The following FLG variants were observed in gnomAD, a reference collection of about 807,000 sequenced individuals.
The protein encoded by FLG is epidermal filaggrin.
A neutral mutation model predicts 3.8 loss-of-function variants in FLG; 6 were observed. The observed-to-expected ratio is 1.60, with a 90% CI of 0.87 to 3.15. The LOEUF (loss-of-function observed/expected upper bound fraction) is 3.15, where lower values mean the gene tolerates loss of function less well. Ranked by LOEUF, FLG falls within the 30% of genes most tolerant of loss-of-function variation. FLG has a pLI of 0.00. For missense variants in FLG, 7,595 were observed against 5,050.9 expected (o/e 1.50, Z -15.27); for synonymous variants, 2,551 against 1,931.6 (o/e 1.32, Z -8.41).
Position 152,303,313 on chromosome 1 carries a change from C to T in FLG, c.11573G>A (p.Arg3858His), listed in dbSNP as rs74129447. 2.6e-3 allele frequency: 4,120 copies of T among 1,613,978 alleles called. 56 individuals are homozygous for T. In the African/African-American group the frequency reaches 0.04, roughly 16 times the overall value. Residue 3858 changes from arginine (R) to histidine (H), a missense_variant, in exon 3 of 3, where the codon CGC becomes CAC. Transcript: ENST00000368799. ...GESAGSRRSR[R>H]QGSSVSQDSD... is the part of the protein sequence containing the mutation. ...GTCCTGGCTAACACTGGATCCCTGG[C>T]GCCTGCTTCTCCTGGACCCCGCTGA... is the stretch of plus-strand genomic sequence containing the variant.
rs1414524598 is a variant in FLG, at chr1:152,311,434, T to A, written c.3452A>T (p.Asp1151Val). 3.1e-6 allele frequency: 5 copies of A among 1,613,858 alleles called. No homozygotes were observed. Residue 1151 changes from aspartate to valine, a missense_variant, in exon 3 of 3, where the codon GAC becomes GTC. Coordinates refer to ENST00000368799, the MANE Select transcript of FLG (RefSeq NM_002016.2). ...TTGGGACGCTGAGTGCCTGGAGCTG[T>A]CTCGTGCCTGCTCGTGGTGGGATCC... The part of the protein sequence containing the change: ...RQGSHHEQAR[D>V]SSRHSASQEG...
Position 152,308,132 on chromosome 1 carries a change from G to T in FLG, c.6754C>A (p.His2252Asn), listed in dbSNP as rs1158378727. The stretch of plus-strand genomic sequence containing the variant: ...GACCGCCTCTCAGAATCTTCTGAGT[G>T]TCCCTCACTGTCACTGTCCTGGCTA... ...SVSQDSDSEGHSEDSERRSGS... is the reference protein window; with the variant it reads ...SVSQDSDSEGNSEDSERRSGS... Residue 2252 changes from histidine (H) to asparagine (N), a missense_variant, in exon 3 of 3, where the codon CAC becomes AAC. By Grantham distance (68) the His-to-Asn change is moderately conservative. Coordinates refer to ENST00000368799, the MANE Select transcript of FLG (RefSeq NM_002016.2). 6.2e-7 allele frequency: 1 copy of T among 1,614,080 alleles called. No individual in the cohort carries two copies. The highest frequency in any genetic ancestry group is 1.1e-5 in the South Asian group (1 of 91,072).
chr1:152,308,000 C>T lies in FLG; in HGVS notation c.6886G>A (p.Ala2296Thr), dbSNP rs1253908371. Residue 2296 changes from alanine to threonine, a missense_variant, in exon 3 of 3, where the codon GCA becomes ACA. By Grantham distance (58) the Ala-to-Thr change is moderately conservative. Transcript: ENST00000368799. ...GTGCCTGATTGTCTGGAGCTCTCTG[C>T]AGAGTGCCCATGACCGGCTCTGTCT... is the stretch of plus-strand genomic sequence containing the variant. ...HEDRAGHGHSAESSRQSGTHH... is the reference protein window; with the variant it reads ...HEDRAGHGHSTESSRQSGTHH... 3.1e-6 allele frequency: 5 copies of T among 1,614,180 alleles called. No homozygotes were observed. The African/African-American group carries it at 4.0e-5, about 13-fold the overall frequency.
In FLG at chr1:152,320,066, C is replaced by A. The variant is rs144372594; in HGVS notation, c.-21-4589G>T. On this transcript the variant is annotated intron_variant, in intron 1 of 2. Transcript: ENST00000368799. ...AAAGTATTTTTTTCTTAATAATATA[C>A]CCTAACAAATCAAGGATGCATGCTA... Among the ~76,000 whole-genome samples the A allele has an allele frequency of 1.5e-3, 221 of 151,024 alleles. 1 individual carries two copies. The highest frequency in any genetic ancestry group is 5.0e-3 in the African/African-American group (207 of 41,382).
rs1652330426 is a variant in FLG, at chr1:152,310,515, C to G, written c.4371G>C (p.Gln1457His). Reference protein sequence around the residue: ...SHEQSESTHGQTAPSTGGRQG... With the variant: ...SHEQSESTHGHTAPSTGGRQG... ...GTCTTCCTCCAGTGCTGGGTGCAGTCTGTCCGTGTGTGGACTCAGACTGTT... is the reference window on the plus strand; with the variant it reads ...GTCTTCCTCCAGTGCTGGGTGCAGTGTGTCCGTGTGTGGACTCAGACTGTT... The change falls in exon 3 of 3, where the codon CAG (glutamine) becomes CAC (histidine). Residue 1457 changes from glutamine to histidine, a missense_variant. Coordinates refer to ENST00000368799, the MANE Select transcript of FLG (RefSeq NM_002016.2). 6.2e-7 allele frequency: 1 copy of G among 1,613,892 alleles called. No homozygotes were observed. Among genetic ancestry groups the G allele is most frequent in the Non-Finnish European group, 8.5e-7 (1 of 1,179,926 alleles).
intron 1 of FLG, among the ~76,000 whole-genome samples, chr1:152,322,172 C>G (rs1057164385): frequency 5.3e-5 from 8 of 150,778 alleles, no homozygotes; most frequent in African/African-American, 1.9e-4. Context: ...CTTTCATCTC[C>G]AAGTTTGGGA....
chr1:152,306,507 G>T lies in FLG; in HGVS notation c.8379C>A (p.Ser2793Arg). ...GGTGGTACCCCTGCCTTCCTCCTCTGCTTGACCCCGGGTGTCCACGAATGG... is the reference window on the plus strand; with the variant it reads ...GGTGGTACCCCTGCCTTCCTCCTCTTCTTGACCCCGGGTGTCCACGAATGG... ...QDTIRGHPGS[S>R]RGGRQGYHHE... Residue 2793 changes from serine (S) to arginine (R), a missense_variant, in exon 3 of 3, where the codon AGC (serine) becomes AGA (arginine). Transcript: ENST00000368799. 6.2e-7 allele frequency: 1 copy of T among 1,609,844 alleles called. No homozygotes were observed.
At position 152,312,626 on chromosome 1, in the gene FLG, A is replaced by T; in HGVS notation, c.2260T>A (p.Ser754Thr). Residue 754 changes from serine (S) to threonine (T), a missense_variant, in exon 3 of 3, where the codon TCA becomes ACA. By Grantham distance (58) the Ser-to-Thr change is moderately conservative. Transcript: ENST00000368799. The part of the protein sequence containing the change: ...GSQATDSEGH[S>T]EDSDTQSVSG... ...ACTGACTGTGTGTCTGAGTCTTCTG[A>T]ATGTCCCTCACTGTCAGTGGCCTGA... 1.2e-6 allele frequency: 2 copies of T among 1,613,224 alleles called. No individual in the cohort carries two copies. Among genetic ancestry groups the T allele is most frequent in the Middle Eastern group, 1.6e-4 (1 of 6,082 alleles).
At position 152,305,782 on chromosome 1, in the gene FLG, C is replaced by T; in HGVS notation, c.9104G>A (p.Gly3035Glu). 9.2e-7 allele frequency: 1 copy of T among 1,092,344 alleles called. No individual in the cohort carries two copies. Among genetic ancestry groups the T allele is most frequent in the South Asian group, 1.5e-5 (1 of 68,886 alleles). 67.7% of individuals were successfully genotyped at this position (1,092,344 alleles called of 1,614,324 possible). A position where few individuals can be genotyped will look rare whatever the true frequency, so the allele number is the denominator to read the frequency against. The change falls in exon 3 of 3, where the codon GGA (glycine) becomes GAA (glutamate). Residue 3035 changes from glycine (G) to glutamate (E), a missense_variant. By Grantham distance (98) the Gly-to-Glu change is moderately conservative. Transcript: ENST00000368799. Reference protein sequence around the residue: ...DSDTQSVSAHGQAGSHQQSHQ... With the variant: ...DSDTQSVSAHEQAGSHQQSHQ... ...GCTCTGCTGATGGGACCCAGCCTGT[C>T]CGTGGGCTGACACTGACTGTGTGTC...
In FLG at chr1:152,312,444, A is replaced by T; in HGVS notation, c.2442T>A (p.Thr814=). The change falls in exon 3 of 3, where the codon ACT becomes ACA. Residue 814 remains threonine (T), a synonymous_variant. Transcript: ENST00000368799. The stretch of plus-strand genomic sequence containing the variant: ...CATGGTGGGATCCTTGTCTTACTCC[A>T]GTGCTGGGCCCTGTCCATCCATGGG... ...ESSHGWTGPS[T]GVRQGSHHEQ... The T allele has an allele frequency of 1.2e-6, 2 of 1,613,426 alleles. No individual in the cohort carries two copies. The highest frequency in any genetic ancestry group is 8.5e-7 in the Non-Finnish European group (1 of 1,179,838).
rs560805546 is a variant in FLG at position 152,310,058 on chromosome 1, G to T, written c.4828C>A (p.Arg1610=). ...SEGHSEDSER[R]SESASRNHYG... ...TGGTTTCTGGAAGCCGACTCAGACC[G>T]CCTCTCAGAGTCTTCTGAGTGTCCC... The change falls in exon 3 of 3, where the codon CGG becomes AGG. Residue 1610 remains arginine (R), a synonymous_variant. Coordinates refer to ENST00000368799, the MANE Select transcript of FLG (RefSeq NM_002016.2). 7 of 1,613,682 alleles carry T rather than the reference G, an allele frequency of 4.3e-6. No individual in the cohort carries two copies. In the East Asian group the frequency reaches 1.1e-4, roughly 26 times the overall value.
At position 152,302,910 on chromosome 1, in the gene FLG, T is replaced by C; in HGVS notation, c.11976A>G (p.Arg3992=). 6.2e-7 allele frequency: 1 copy of C among 1,614,148 alleles called. No individual in the cohort carries two copies. Among genetic ancestry groups the C allele is most frequent in the Non-Finnish European group, 8.5e-7 (1 of 1,180,028 alleles). The change falls in exon 3 of 3, where the codon AGA becomes AGG. Residue 3992 remains arginine, a synonymous_variant. Transcript: ENST00000368799. Reference sequence around the variant, plus strand: ...AACTAACACTTCCGTGCTGAGAGTGTCTAAACCCGGATTCACCATAATCAT... The same window carrying C: ...AACTAACACTTCCGTGCTGAGAGTGCCTAAACCCGGATTCACCATAATCAT... ...ADYDYGESGF[R]HSQHGSVSYN...
Position 152,313,789 on chromosome 1 carries a change from C to T in FLG, c.1097G>A (p.Arg366His), listed in dbSNP as rs147509025. The T allele has an allele frequency of 7.5e-5, 121 of 1,614,040 alleles. No individual in the cohort carries two copies. The African/African-American group carries it at 8.0e-4, about 11-fold the overall frequency. Residue 366 changes from arginine (R) to histidine (H), a missense_variant, in exon 3 of 3, where the codon CGT becomes CAT. By Grantham distance (29) the Arg-to-His change is conservative. Transcript: ENST00000368799. ...SGTRHAETSS[R>H]GQTASSHEQA... is the part of the protein sequence containing the mutation. ...TTCATGGGATGATGCAGTCTGTCCACGAGAGGAAGTCTCTGCGTGACGAGT... is the reference window on the plus strand; with the variant it reads ...TTCATGGGATGATGCAGTCTGTCCATGAGAGGAAGTCTCTGCGTGACGAGT...
chr1:152,313,094 A>C lies in FLG; in HGVS notation c.1792T>G (p.Ser598Ala), dbSNP rs1652579703. The C allele has an allele frequency of 3.1e-6, 5 of 1,613,652 alleles. No individual in the cohort carries two copies. The highest frequency in any genetic ancestry group is 4.2e-6 in the Non-Finnish European group (5 of 1,179,986). Residue 598 changes from serine (S) to alanine (A), a missense_variant, in exon 3 of 3, where the codon TCT becomes GCT. Ser to Ala is a moderately conservative substitution (Grantham distance 99). Transcript: ENST00000368799. ...HHEASSQADS[S>A]RHSQVGQGQS... is the part of the protein sequence containing the mutation. ...CCCTGGCCCACCTGTGAGTGTCTAG[A>C]GCTGTCAGCCTGAGAGGAAGCTTCA...
Position 152,314,139 on chromosome 1 carries a change from A to G in FLG, c.747T>C (p.Ser249=), listed in dbSNP as rs1354641021. 1.2e-6 allele frequency: 2 copies of G among 1,614,140 alleles called. No individual in the cohort carries two copies. Among genetic ancestry groups the G allele is most frequent in the Non-Finnish European group, 1.7e-6 (2 of 1,179,998 alleles). The change falls in exon 3 of 3, where the codon AGT becomes AGC. Residue 249 remains serine (S), a synonymous_variant. Coordinates refer to ENST00000368799, the MANE Select transcript of FLG (RefSeq NM_002016.2). The part of the protein sequence containing the change: ...IQDEAYDTTD[S]LLEENKIYER... ...CATATATTTTGTTTTCTTCTAATAGACTATCAGTGGTGTCATAGGCTTCAT... is the reference window on the plus strand; with the variant it reads ...CATATATTTTGTTTTCTTCTAATAGGCTATCAGTGGTGTCATAGGCTTCAT...
Position 152,305,239 on chromosome 1 carries a change from C to T in FLG, c.9647G>A (p.Ser3216Asn), listed in dbSNP as rs750314116. ...ATGTCCCTCACTGTCACTGTCCTGGCTCACACTGGATCCCTGGCGCCTGCT... is the reference window on the plus strand; with the variant it reads ...ATGTCCCTCACTGTCACTGTCCTGGTTCACACTGGATCCCTGGCGCCTGCT... ...RRSRRQGSSV[S>N]QDSDSEGHSE... The change falls in exon 3 of 3, where the codon AGC becomes AAC. Residue 3216 changes from serine (S) to asparagine (N), a missense_variant. Ser to Asn is a conservative substitution (Grantham distance 46). Coordinates refer to ENST00000368799, the MANE Select transcript of FLG (RefSeq NM_002016.2). 6.2e-6 allele frequency: 10 copies of T among 1,613,212 alleles called. No individual in the cohort carries two copies. The East Asian group carries it at 8.9e-5, about 14-fold the overall frequency.
chr1:152,312,518 A>C lies in FLG; in HGVS notation c.2368T>G (p.Ser790Ala). ...CTCACCTGGTAGAGGAAAGACCCTG[A>C]ACGTCGAGACCTTTCCCCTGACCGG... is the stretch of plus-strand genomic sequence containing the variant. Reference protein sequence around the residue: ...RDRSGERSRRSGSFLYQVSTH... With the variant: ...RDRSGERSRRAGSFLYQVSTH... Residue 790 changes from serine to alanine, a missense_variant, in exon 3 of 3, where the codon TCA becomes GCA. Transcript: ENST00000368799. 1 of 1,613,278 alleles carries C rather than the reference A, an allele frequency of 6.2e-7. No homozygotes were observed. The highest frequency in any genetic ancestry group is 8.5e-7 in the Non-Finnish European group (1 of 1,179,840).
chr1:152,304,083 A>T lies in FLG; in HGVS notation c.10803T>A (p.His3601Gln). Reference sequence around the variant, plus strand: ...GTCCACCAGAGGAATTCTCTGCATGATGAGTGCCTGATTGTCTGGAGCTCT... The same window carrying T: ...GTCCACCAGAGGAATTCTCTGCATGTTGAGTGCCTGATTGTCTGGAGCTCT... ...SAESSRQSGTHHAENSSGGQA... is the reference protein window; with the variant it reads ...SAESSRQSGTQHAENSSGGQA... Residue 3601 changes from histidine to glutamine, a missense_variant, in exon 3 of 3, where the codon CAT becomes CAA. Transcript: ENST00000368799. 2 of 1,611,520 alleles carry T rather than the reference A, an allele frequency of 1.2e-6. No individual in the cohort carries two copies. The highest frequency in any genetic ancestry group is 1.7e-6 in the Non-Finnish European group (2 of 1,179,742).
rs754300448 is a variant in FLG, at chr1:152,306,346, G to C, written c.8540C>G (p.Ser2847Ter). The C allele has an allele frequency of 1.2e-6, 2 of 1,602,070 alleles. No homozygotes were observed. Among genetic ancestry groups the C allele is most frequent in the Non-Finnish European group, 1.7e-6 (2 of 1,179,804 alleles). The change falls in exon 3 of 3, where the codon TCA (serine) becomes TGA (stop). Residue 2847 changes from serine to a stop codon, truncating the protein, a stop_gained. Coordinates refer to ENST00000368799, the MANE Select transcript of FLG (RefSeq NM_002016.2). LOFTEE classifies it low-confidence loss of function (END_TRUNC). ...ASRTTRNEEQSGDGSRHSGSR... is the reference protein window; with the variant it reads ...ASRTTRNEEQ ...CCCTGAGTGCCTGGAGCCGTCTCCT[G>C]ATTGTTCCTCATTACGTGTTGTTCT...
Sources: allele counts gnomAD v4.1 joint callset (sites outside exome capture counted in the v4.1 genomes callset), GRCh38; gene constraint gnomAD v4.1.1; transcripts MANE v1.5; gene names NCBI Gene and HGNC (gene_info 2026-07-23, HGNC 2026-07-21).